Variants in TPD52L1 observed in about 807,000 individuals in gnomAD.
TPD52L1 encodes tumor protein D53.
In TPD52L1, 18 loss-of-function variants were observed where a neutral mutation model predicts 28.7. That is an observed-to-expected ratio of 0.63 (90% CI 0.43 to 0.93). The LOEUF is 0.93. TPD52L1 is among the 40% of genes least tolerant of loss of function. The pLI, the probability that TPD52L1 is intolerant of heterozygous loss-of-function variation, is 0.00. For synonymous variants in TPD52L1, 75 were observed against 88.8 expected (o/e 0.84, Z 0.88); for missense variants, 203 against 254.8 (o/e 0.80, Z 1.39).
intron 3 of TPD52L1, among the ~76,000 whole-genome samples, chr6:125,242,916 T>C (rs1796698988): frequency 6.6e-6 from 1 of 152,138 alleles, no homozygotes; most frequent in Non-Finnish European, 1.5e-5. Context: ...TTTGATGAAG[T>C]TCTATTTTGG....
intron 1 of TPD52L1, among the ~76,000 whole-genome samples, chr6:125,172,552 A>AT (rs71024714): frequency 3.6e-4 from 26 of 72,358 alleles, no homozygotes; most frequent in East Asian, 7.0e-4. Context: ...ATATATATAT[A>AT]ATATATATAC....
At chr6:125,172,539 T>TATATATAATATATATATATATA (rs1791527952) in intron 1 of TPD52L1, among the ~76,000 whole-genome samples, 4 of 95,024 alleles carry the variant, frequency 4.2e-5, no homozygotes, top group African/African-American at 1.8e-4. Context: ...TATATATATA[T>TATATATAATATATATATATATA]ATATATATAT....
chr6:125,260,877 GAAAGAA>G, intron 6 of TPD52L1: 1 of 141,822 alleles, frequency 7.1e-6, no homozygotes, highest in East Asian at 2.1e-4. Flanking sequence ...AGAAAAGAAA[GAAAGAA>G]AAAGAAAAGA....
intron 3 of TPD52L1, 111 bp downstream of exon 3, chr6:125,229,377 A>C: frequency 9.1e-7 from 1 of 1,100,794 alleles, no homozygotes; most frequent in Non-Finnish European, 1.3e-6. Flanking sequence ...AGCTAGGAAA[A>C]AAAAATACTT....
chr6:125,253,770 A>G lies in TPD52L1; in HGVS notation c.425+15A>G, dbSNP rs1207658829. On this transcript the variant is annotated intron_variant, in intron 5 of 6. Coordinates refer to ENST00000534000, the MANE Select transcript of TPD52L1 (RefSeq NM_003287.4). ...CCTGCTATGAGGTAATGTGTGTAAA[A>G]TATTTTATGTAATATTAATATGAAA... 6.3e-7 allele frequency: 1 copy of G among 1,597,356 alleles called. No individual in the cohort carries two copies.
rs992027418 is a variant in TPD52L1 at position 125,211,212 on chromosome 6, A to T, written c.20-8866A>T. On this transcript the variant is annotated intron_variant, in intron 1 of 6. Coordinates refer to ENST00000534000, the MANE Select transcript of TPD52L1 (RefSeq NM_003287.4). ...GATAAAAGGAGAAAGTTGTTTGAAA[A>T]AAATCAAGTTACAAAATACTGCGAT... 4.6e-5 allele frequency among the ~76,000 whole-genome samples: 7 copies of T among 152,300 alleles called. 1 individual carries two copies. Among genetic ancestry groups the T allele is most frequent in the Admixed American group, 4.6e-4 (7 of 15,296 alleles).
intron 1 of TPD52L1, among the ~76,000 whole-genome samples, chr6:125,188,519 T>C (rs562342038): frequency 6.6e-6 from 1 of 152,262 alleles, no homozygotes; most frequent in African/African-American, 2.4e-5. Context: ...AACAAATACA[T>C]TTTATATCAC....
chr6:125,258,865 T>A (rs1040880808), intron 6 of TPD52L1, among the ~76,000 whole-genome samples: 1 of 152,194 alleles, frequency 6.6e-6, no homozygotes, highest in African/African-American at 2.4e-5. Flanking sequence ...AAGACTCACA[T>A]GCCACATACT....
At chr6:125,182,551 G>A (rs1356726488) in intron 1 of TPD52L1, among the ~76,000 whole-genome samples, 1 of 152,074 alleles carries the variant, frequency 6.6e-6, no homozygotes, top group Non-Finnish European at 1.5e-5. Flanking sequence ...CCAGGCATTG[G>A]GTACAGCTTC....
At chr6:125,171,693 A>T (rs139231037) in intron 1 of TPD52L1, among the ~76,000 whole-genome samples, 34 of 152,264 alleles carry the variant, frequency 2.2e-4, no homozygotes, top group African/African-American at 8.2e-4. Context: ...GCCTTGAAAC[A>T]GTTCTCCTCT....
chr6:125,172,581 G>A (rs1225391909), intron 1 of TPD52L1, among the ~76,000 whole-genome samples: 4 of 68,180 alleles, frequency 5.9e-5, no homozygotes, highest in African/African-American at 1.3e-4. Context: ...ATGAAATTAG[G>A]TATATATATA....
chr6:125,255,776 T>C (rs890287247), intron 5 of TPD52L1, among the ~76,000 whole-genome samples: 4 of 152,182 alleles, frequency 2.6e-5, no homozygotes. Flanking sequence ...ACAAGTGCCT[T>C]ATTAATTCAA....
intron 5 of TPD52L1, among the ~76,000 whole-genome samples, chr6:125,255,727 C>T (rs1464469641): frequency 6.7e-6 from 1 of 148,658 alleles, no homozygotes; most frequent in Non-Finnish European, 1.5e-5. Flanking sequence ...GGCCATTCCT[C>T]TTATTTTACT....
chr6:125,196,487 C>T (rs768950508), intron 1 of TPD52L1, among the ~76,000 whole-genome samples: 23 of 152,196 alleles, frequency 1.5e-4, no homozygotes, highest in African/African-American at 5.1e-4. Flanking sequence ...CCTGTCTCAA[C>T]GCAAGACCAA....
chr6:125,253,909 G>T (rs1482158479), intron 5 of TPD52L1, 154 bp downstream of exon 5: 1 of 821,260 alleles, frequency 1.2e-6, no homozygotes, highest in African/African-American at 1.7e-5. Context: ...TGGAAGAATT[G>T]CGTAGCTTGG....
chr6:125,250,240 C>A (rs1393079174), intron 4 of TPD52L1, among the ~76,000 whole-genome samples: 1 of 152,182 alleles, frequency 6.6e-6, no homozygotes, highest in Non-Finnish European at 1.5e-5. Flanking sequence ...GGAGATCTTA[C>A]AAACACCTCT....
At chr6:125,231,843 T>C (rs1314129839) in intron 3 of TPD52L1, among the ~76,000 whole-genome samples, 2 of 152,132 alleles carry the variant, frequency 1.3e-5, no homozygotes, top group Admixed American at 1.3e-4. Context: ...ATCTAGGCCT[T>C]GCTGCATTCA....
intron 1 of TPD52L1, among the ~76,000 whole-genome samples, chr6:125,203,268 T>C (rs1335643488): frequency 6.6e-6 from 1 of 152,226 alleles, no homozygotes; most frequent in Non-Finnish European, 1.5e-5. Flanking sequence ...TCCTGGAGCC[T>C]ATCCATCAGG....
chr6:125,236,415 A>G (rs559712280), intron 3 of TPD52L1, among the ~76,000 whole-genome samples: 3 of 152,252 alleles, frequency 2.0e-5, no homozygotes, highest in East Asian at 3.9e-4. Context: ...GCTATCACCT[A>G]TTTTCAATAT....
Sources: allele counts gnomAD v4.1 joint callset (sites outside exome capture counted in the v4.1 genomes callset), GRCh38; gene constraint gnomAD v4.1.1; transcripts MANE v1.5; gene names NCBI Gene and HGNC (gene_info 2026-07-23, HGNC 2026-07-21).